Variants in SIPA1L2 observed in about 807,000 individuals in gnomAD.
The protein encoded by SIPA1L2 is signal-induced proliferation-associated 1-like protein 2.
A neutral mutation model predicts 163.9 loss-of-function variants in SIPA1L2; 56 were observed. The ratio of observed to expected loss-of-function variants is 0.34; its 90% CI spans 0.28 to 0.43. SIPA1L2 has a LOEUF of 0.43. SIPA1L2 is among the 20% of genes least tolerant of loss of function. SIPA1L2 has a pLI of 1.00. For synonymous variants in SIPA1L2, 877 were observed against 865.7 expected, an observed-to-expected ratio of 1.01 and a Z score of -0.23; for missense variants, 1,974 against 2,193.5, an observed-to-expected ratio of 0.90 and a Z score of 2.00.
chr1:232,406,945 T>G (rs1449915145), intron 19 of SIPA1L2, among the ~76,000 whole-genome samples: 1 of 152,240 alleles, frequency 6.6e-6, no homozygotes, highest in African/African-American at 2.4e-5. Context: ...TTAAAAGTTT[T>G]GATTCTGACA....
At chr1:232,423,110 C>T (rs1661671256) in intron 18 of SIPA1L2, among the ~76,000 whole-genome samples, 1 of 152,168 alleles carries the variant, frequency 6.6e-6, no homozygotes, top group African/African-American at 2.4e-5. Flanking sequence ...CACGAGATTC[C>T]ATGGGTAAAT....
intron 10 of SIPA1L2, among the ~76,000 whole-genome samples, chr1:232,448,546 C>G (rs1417202301): frequency 6.6e-6 from 1 of 152,194 alleles, no homozygotes; most frequent in Non-Finnish European, 1.5e-5. Flanking sequence ...GAAACAACCT[C>G]AACTGCCAAC....
intron 15 of SIPA1L2, among the ~76,000 whole-genome samples, chr1:232,433,052 C>T (rs899531990): frequency 3.3e-5 from 5 of 152,160 alleles, no homozygotes; most frequent in African/African-American, 9.7e-5. Flanking sequence ...ACTCCAAGGG[C>T]GCACACACAC....
At position 232,615,775 on chromosome 1, in the gene SIPA1L2, G is replaced by C. The variant is rs1573179706; in HGVS notation, c.-319+14094C>G. Among the ~76,000 whole-genome samples the C allele has an allele frequency of 2.0e-5, 3 of 152,112 alleles. No homozygotes were observed. In the East Asian group the frequency reaches 5.8e-4, roughly 30 times the overall value. ...AACTAAACTACTTCCAATGAGGGGG[G>C]GCAGGGAGGACTCTATCTTGAGAAA... On this transcript the variant is annotated intron_variant, in intron 1 of 22. Transcript: ENST00000674635.
At chr1:232,462,512 AGACAGGCAT>A in intron 9 of SIPA1L2, 1 of 644,174 alleles carries the variant, frequency 1.6e-6, no homozygotes, top group South Asian at 2.6e-5. Flanking sequence ...AGCTTTTCCC[AGACAGGCAT>A]GACAGTTCAC....
At chr1:232,569,587 C>T (rs879267104) in intron 2 of SIPA1L2, among the ~76,000 whole-genome samples, 13 of 152,218 alleles carry the variant, frequency 8.5e-5, no homozygotes, top group South Asian at 2.1e-4. Flanking sequence ...CTGAGGCAGG[C>T]GAATCACCCG....
chr1:232,461,209 C>A, intron 9 of SIPA1L2, 48 bp from the exon 10 acceptor site: 4 of 1,588,896 alleles, frequency 2.5e-6, no homozygotes, highest in Non-Finnish European at 2.6e-6. Context: ...CCCAAGCTGC[C>A]ATGGGGCTCT....
At chr1:232,520,264 A>G (rs1426939879) in intron 2 of SIPA1L2, among the ~76,000 whole-genome samples, 1 of 152,222 alleles carries the variant, frequency 6.6e-6, no homozygotes, top group East Asian at 1.9e-4. Context: ...ATAAATAATT[A>G]TCACCAACAT....
At chr1:232,508,044 T>C (rs766757760) in intron 3 of SIPA1L2, among the ~76,000 whole-genome samples, 11 of 152,216 alleles carry the variant, frequency 7.2e-5, no homozygotes, top group Non-Finnish European at 1.0e-4. Flanking sequence ...GACATTTATA[T>C]ACCATTTAAA....
chr1:232,623,740 T>C (rs1662935592), intron 1 of SIPA1L2, among the ~76,000 whole-genome samples: 1 of 152,030 alleles, frequency 6.6e-6, no homozygotes, highest in Non-Finnish European at 1.5e-5. Flanking sequence ...CACAAGCAAT[T>C]CTGGAAGAAA....
chr1:232,512,422 T>C (rs530910803), intron 3 of SIPA1L2, among the ~76,000 whole-genome samples: 44 of 152,260 alleles, frequency 2.9e-4, no homozygotes, highest in African/African-American at 1.0e-3. Context: ...CATGCACACA[T>C]ATGTTTATTG....
chr1:232,533,224 T>C (rs1175556625), intron 2 of SIPA1L2, among the ~76,000 whole-genome samples: 1 of 152,336 alleles, frequency 6.6e-6, no homozygotes, highest in East Asian at 1.9e-4. Flanking sequence ...GTGTTTCTAG[T>C]GTTGATTCAT....
chr1:232,521,915 A>G (rs2103061821), intron 2 of SIPA1L2, among the ~76,000 whole-genome samples: 1 of 152,234 alleles, frequency 6.6e-6, no homozygotes, highest in South Asian at 2.1e-4. Flanking sequence ...AAGATGTCTC[A>G]CAGTTGCAGG....
Position 232,493,560 on chromosome 1 carries a change from C to A in SIPA1L2, c.1584G>T (p.Gln528His). ...VEDAKEKEGS[Q>H]FNYRVAFRTS... ...TCCTGAAAGCCACCCTGTAGTTGAA[C>A]TGGGATCCTTCTTTCTCCTTGGCAT... Residue 528 changes from glutamine to histidine, a missense_variant, in exon 4 of 23, where the codon CAG becomes CAT. Gln to His is a conservative substitution (Grantham distance 24). Coordinates refer to ENST00000674635, the MANE Select transcript of SIPA1L2 (RefSeq NM_020808.5). The A allele has an allele frequency of 6.2e-7, 1 of 1,614,138 alleles. No individual in the cohort carries two copies. Among genetic ancestry groups the A allele is most frequent in the Non-Finnish European group, 8.5e-7 (1 of 1,180,006 alleles).
At chr1:232,400,607 C>A (rs1425571787) in intron 22 of SIPA1L2, among the ~76,000 whole-genome samples, 1 of 152,172 alleles carries the variant, frequency 6.6e-6, no homozygotes, top group African/African-American at 2.4e-5. Context: ...TGCTACCCCT[C>A]CTGGCTGCAA....
At chr1:232,481,468 C>T (rs957571840) in intron 6 of SIPA1L2, among the ~76,000 whole-genome samples, 2 of 151,738 alleles carry the variant, frequency 1.3e-5, no homozygotes, top group Admixed American at 6.6e-5. Flanking sequence ...AGATGCATTG[C>T]GGGGGGGAAA....
chr1:232,418,419 T>C (rs1661383790), intron 18 of SIPA1L2, among the ~76,000 whole-genome samples: 2 of 152,216 alleles, frequency 1.3e-5, no homozygotes, highest in South Asian at 2.1e-4. Context: ...GCTCTGACAA[T>C]TCCTAAGCAC....
At chr1:232,453,649 A>G (rs1430481096) in intron 10 of SIPA1L2, among the ~76,000 whole-genome samples, 1 of 152,040 alleles carries the variant, frequency 6.6e-6, no homozygotes, top group Non-Finnish European at 1.5e-5. Flanking sequence ...GAAGGGCTAG[A>G]GAGGTTGGAA....
At chr1:232,548,298 T>C (rs1658163934) in intron 2 of SIPA1L2, among the ~76,000 whole-genome samples, 1 of 152,190 alleles carries the variant, frequency 6.6e-6, no homozygotes, top group Admixed American at 6.5e-5. Context: ...CTTGGTATGA[T>C]AAGCAAACAC....
Sources: allele counts gnomAD v4.1 joint callset (sites outside exome capture counted in the v4.1 genomes callset), GRCh38; gene constraint gnomAD v4.1.1; transcripts MANE v1.5; gene names NCBI Gene and HGNC (gene_info 2026-07-23, HGNC 2026-07-21).